The following RGS9BP variants were observed in gnomAD, a reference collection of about 807,000 sequenced individuals.
The protein encoded by RGS9BP is regulator of G protein signaling 9-binding protein.
RGS9BP carries 1 observed loss-of-function variant against 3.8 expected under a neutral mutation model. That is an observed-to-expected ratio of 0.26 (90% CI 0.09 to 1.24). The LOEUF (loss-of-function observed/expected upper bound fraction) is 1.24. Among genes scored for constraint, RGS9BP ranks in the 50% most tolerant of loss-of-function variants. RGS9BP has a pLI of 0.48. For synonymous variants in RGS9BP, 200 were observed against 177.8 expected (o/e 1.13, Z -1.00); for missense variants, 363 against 344.3 (o/e 1.05, Z -0.43).
Position 32,676,813 on chromosome 19 carries a change from G to A in RGS9BP, c.550G>A (p.Glu184Lys), listed in dbSNP as rs760255703. The change falls in exon 1 of 1, where the codon GAG (glutamate) becomes AAG (lysine). Residue 184 changes from glutamate (E) to lysine (K), a missense_variant. Physicochemically the swap from Glu to Lys is moderately conservative, Grantham distance 56. Coordinates refer to ENST00000334176, the MANE Select transcript of RGS9BP (RefSeq NM_207391.3). ...TVQARQAAGA[E>K]LLSTVSAGPS... ...GCAAGCCCGGCAGGCGGCGGGCGCC[G>A]AGCTCCTGTCCACGGTCAGCGCCGG... 8.2e-6 allele frequency: 13 copies of A among 1,584,710 alleles called. No individual in the cohort carries two copies. The Admixed American group carries it at 2.1e-4, about 25-fold the overall frequency.
Position 32,676,549 on chromosome 19 carries a change from G to A in RGS9BP, c.286G>A (p.Ala96Thr), listed in dbSNP as rs259290. The stretch of plus-strand genomic sequence containing the variant: ...CCTGCTGGAAGCGGACATGCGACGC[G>A]CGCTGGAGCTGGGCGCCGCGTTCCC... The part of the protein sequence containing the change: ...LDLLEADMRR[A>T]LELGAAFPLH... Residue 96 changes from alanine (A) to threonine (T), a missense_variant, in exon 1 of 1, where the codon GCG becomes ACG. Coordinates refer to ENST00000334176, the MANE Select transcript of RGS9BP (RefSeq NM_207391.3). The A allele has an allele frequency of 6.8e-7, 1 of 1,464,500 alleles. No individual in the cohort carries two copies. The highest frequency in any genetic ancestry group is 1.3e-5 in the South Asian group (1 of 74,804). The allele number at this position is 1,464,500 out of a possible 1,614,324, so 90.7% of individuals were successfully genotyped here.
chr19:32,676,415 C>A lies in RGS9BP; in HGVS notation c.152C>A (p.Ala51Glu). The change falls in exon 1 of 1, where the codon GCG (alanine) becomes GAG (glutamate). Residue 51 changes from alanine (A) to glutamate (E), a missense_variant. Ala to Glu is a moderately radical substitution (Grantham distance 107). Transcript: ENST00000334176. ...ACGCGCCAGAAGGCGCAGGAGCTGG[C>A]GGTGTCCACCTGCGCCCGGCTGACT... Reference protein sequence around the residue: ...QKTRQKAQELAVSTCARLTAV... With the variant: ...QKTRQKAQELEVSTCARLTAV... The A allele has an allele frequency of 6.2e-7, 1 of 1,602,692 alleles. No individual in the cohort carries two copies. The highest frequency in any genetic ancestry group is 8.5e-7 in the Non-Finnish European group (1 of 1,177,594).
Position 32,676,986 on chromosome 19 carries a change from C to G in RGS9BP, c.*15C>G. 7 of 1,585,754 alleles carry G rather than the reference C, an allele frequency of 4.4e-6. No homozygotes were observed. The highest frequency in any genetic ancestry group is 6.0e-6 in the Non-Finnish European group (7 of 1,166,208). The stretch of plus-strand genomic sequence containing the variant: ...AGCTGAGCTGACGGACACCCGACGG[C>G]CGCCTGCTGCTGCCGCTCCCTCCCC... On this transcript the variant is annotated 3_prime_UTR_variant, in exon 1 of 1. Coordinates refer to ENST00000334176, the MANE Select transcript of RGS9BP (RefSeq NM_207391.3).
In RGS9BP at chr19:32,676,761, G is replaced by GAA. The variant is rs1311699944; in HGVS notation, c.499_500dup (p.Val168ArgfsTer61). ...GCGAGATGATCGACAACATGGAGAT[G>GAA]AAGGTCAACGTGCCCCGCTGGACCG... is the stretch of plus-strand genomic sequence containing the variant. On this transcript the variant is annotated frameshift_variant, in exon 1 of 1. Transcript: ENST00000334176. LOFTEE classifies it high-confidence loss of function. The GAA allele has an allele frequency of 6.3e-7, 1 of 1,582,174 alleles. No individual in the cohort carries two copies. The highest frequency in any genetic ancestry group is 8.5e-7 in the Non-Finnish European group (1 of 1,171,936).
Position 32,676,619 on chromosome 19 carries a change from G to C in RGS9BP, c.356G>C (p.Gly119Ala), listed in dbSNP as rs1968007198. The change falls in exon 1 of 1, where the codon GGC becomes GCC. Residue 119 changes from glycine to alanine, a missense_variant. Transcript: ENST00000334176. ...CCGCTGGTGCGCACAGGTGTGGCTGGCGCCTCCTCCGGCGTGGCGGCGCGC... is the reference window on the plus strand; with the variant it reads ...CCGCTGGTGCGCACAGGTGTGGCTGCCGCCTCCTCCGGCGTGGCGGCGCGC... ...RRPLVRTGVA[G>A]ASSGVAARAL... 6.5e-7 allele frequency: 1 copy of C among 1,528,514 alleles called. No homozygotes were observed. Among genetic ancestry groups the C allele is most frequent in the Non-Finnish European group, 8.7e-7 (1 of 1,143,318 alleles). 94.7% of individuals were successfully genotyped at this position (1,528,514 alleles called of 1,614,324 possible). A position where few individuals can be genotyped will look rare whatever the true frequency, so the allele number is the denominator to read the frequency against.
chr19:32,676,791 A>C lies in RGS9BP; in HGVS notation c.528A>C (p.Gln176His). 6.3e-7 allele frequency: 1 copy of C among 1,587,248 alleles called. No homozygotes were observed. Among genetic ancestry groups the C allele is most frequent in the Non-Finnish European group, 8.5e-7 (1 of 1,174,350 alleles). ...TCAACGTGCCCCGCTGGACCGTGCAAGCCCGGCAGGCGGCGGGCGCCGAGC... is the reference window on the plus strand; with the variant it reads ...TCAACGTGCCCCGCTGGACCGTGCACGCCCGGCAGGCGGCGGGCGCCGAGC... ...MKVNVPRWTV[Q>H]ARQAAGAELL... Residue 176 changes from glutamine to histidine, a missense_variant, in exon 1 of 1, where the codon CAA becomes CAC. Gln to His is a conservative substitution (Grantham distance 24, BLOSUM62 0). Coordinates refer to ENST00000334176, the MANE Select transcript of RGS9BP (RefSeq NM_207391.3).
chr19:32,677,114 G>C lies in RGS9BP; in HGVS notation c.*143G>C. 1 of 734,346 alleles carries C rather than the reference G, an allele frequency of 1.4e-6. No homozygotes were observed. The highest frequency in any genetic ancestry group is 2.7e-5 in the East Asian group (1 of 36,644). 45.5% of individuals were successfully genotyped at this position (734,346 alleles called of 1,614,324 possible). On this transcript the variant is annotated 3_prime_UTR_variant, in exon 1 of 1. Transcript: ENST00000334176. ...ACACGCGCGTTTCCAGTGCACATCT[G>C]CCTGGGCAGGACACGGTTTCCTCTT...
Position 32,675,887 on chromosome 19 carries a change from C to A in RGS9BP, c.-377C>A, listed in dbSNP as rs1256738230. ...TTGGCAGCGCCTAAGGCGGAGCGCG[C>A]GGCTCTGCAGCCTGCTTGCCCCGGA... is the stretch of plus-strand genomic sequence containing the variant. On this transcript the variant is annotated 5_prime_UTR_variant, in exon 1 of 1. Coordinates refer to ENST00000334176, the MANE Select transcript of RGS9BP (RefSeq NM_207391.3). 1.0e-5 allele frequency: 2 copies of A among 191,214 alleles called. No individual in the cohort carries two copies. The highest frequency in any genetic ancestry group is 2.1e-5 in the Non-Finnish European group (2 of 93,744). 11.8% of individuals were successfully genotyped at this position (191,214 alleles called of 1,614,324 possible).
rs971031217 is a variant in RGS9BP, at chr19:32,676,005, G to A, written c.-259G>A. ...GGTGCAGAGACACGACGTGTGACTC[G>A]GAGTGCGCCTGGGGAGGATGGACGA... On this transcript the variant is annotated 5_prime_UTR_variant, in exon 1 of 1. Transcript: ENST00000334176. 8.4e-6 allele frequency: 4 copies of A among 475,458 alleles called. No individual in the cohort carries two copies. The highest frequency in any genetic ancestry group is 7.4e-6 in the Non-Finnish European group (2 of 269,276). 29.5% of individuals were successfully genotyped at this position (475,458 alleles called of 1,614,324 possible). A position where few individuals can be genotyped will look rare whatever the true frequency, so the allele number is the denominator to read the frequency against.
At position 32,676,658 on chromosome 19, in the gene RGS9BP, G is replaced by C; in HGVS notation, c.395G>C (p.Arg132Pro). ...GTGGCGGCGCGCGCGCTGAGCACCC[G>C]CAGCCTGCGGCTCGAGGCGGAGGGC... is the stretch of plus-strand genomic sequence containing the variant. The part of the protein sequence containing the change: ...SGVAARALST[R>P]SLRLEAEGDF... Residue 132 changes from arginine (R) to proline (P), a missense_variant, in exon 1 of 1, where the codon CGC becomes CCC. By Grantham distance (103) the Arg-to-Pro change is moderately radical. Coordinates refer to ENST00000334176, the MANE Select transcript of RGS9BP (RefSeq NM_207391.3). The C allele has an allele frequency of 3.3e-6, 5 of 1,533,730 alleles. No homozygotes were observed. Among genetic ancestry groups the C allele is most frequent in the Non-Finnish European group, 4.4e-6 (5 of 1,145,906 alleles).
At position 32,677,978 on chromosome 19, in the gene RGS9BP, C is replaced by T. The variant is rs1238387244; in HGVS notation, c.*1007C>T. On this transcript the variant is annotated 3_prime_UTR_variant, in exon 1 of 1. Coordinates refer to ENST00000334176, the MANE Select transcript of RGS9BP (RefSeq NM_207391.3). Reference sequence around the variant, plus strand: ...GCTCCCTGACCCCCGCGCTGCCCGCCCCTCCGGGGTAATGTGGCATTACTG... The same window carrying T: ...GCTCCCTGACCCCCGCGCTGCCCGCTCCTCCGGGGTAATGTGGCATTACTG... The T allele has an allele frequency of 6.0e-6, 1 of 167,146 alleles. No individual in the cohort carries two copies. Among genetic ancestry groups the T allele is most frequent in the Admixed American group, 6.5e-5 (1 of 15,288 alleles). 10.4% of individuals were successfully genotyped at this position (167,146 alleles called of 1,614,324 possible). A position where few individuals can be genotyped will look rare whatever the true frequency, so the allele number is the denominator to read the frequency against.
Position 32,676,664 on chromosome 19 carries a change from T to A in RGS9BP, c.401T>A (p.Leu134Gln). 6.5e-7 allele frequency: 1 copy of A among 1,534,058 alleles called. No individual in the cohort carries two copies. Among genetic ancestry groups the A allele is most frequent in the South Asian group, 1.2e-5 (1 of 84,064 alleles). ...GCGCGCGCGCTGAGCACCCGCAGCC[T>A]GCGGCTCGAGGCGGAGGGCGACTTC... is the stretch of plus-strand genomic sequence containing the variant. ...VAARALSTRS[L>Q]RLEAEGDFDV... Residue 134 changes from leucine to glutamine, a missense_variant, in exon 1 of 1, where the codon CTG becomes CAG. Coordinates refer to ENST00000334176, the MANE Select transcript of RGS9BP (RefSeq NM_207391.3).
At position 32,677,187 on chromosome 19, in the gene RGS9BP, G is replaced by C; in HGVS notation, c.*216G>C. The C allele has an allele frequency of 1.6e-6, 1 of 611,010 alleles. No individual in the cohort carries two copies. 37.8% of individuals were successfully genotyped at this position (611,010 alleles called of 1,614,324 possible). A position where few individuals can be genotyped will look rare whatever the true frequency, so the allele number is the denominator to read the frequency against. Reference sequence around the variant, plus strand: ...TTGCGCCGGCCGTCAGGGCATTACCGCTAACGTCTGCAGGAGCTTTATTCC... The same window carrying C: ...TTGCGCCGGCCGTCAGGGCATTACCCCTAACGTCTGCAGGAGCTTTATTCC... On this transcript the variant is annotated 3_prime_UTR_variant, in exon 1 of 1. Coordinates refer to ENST00000334176, the MANE Select transcript of RGS9BP (RefSeq NM_207391.3).
Position 32,676,766 on chromosome 19 carries a change from T to C in RGS9BP, c.503T>C (p.Val168Ala). The change falls in exon 1 of 1, where the codon GTC becomes GCC. Residue 168 changes from valine to alanine, a missense_variant. By Grantham distance (64) the Val-to-Ala change is moderately conservative. Transcript: ENST00000334176. ...GEMIDNMEMK[V>A]NVPRWTVQAR... ...ATGATCGACAACATGGAGATGAAGG[T>C]CAACGTGCCCCGCTGGACCGTGCAA... 2 of 1,582,984 alleles carry C rather than the reference T, an allele frequency of 1.3e-6. No homozygotes were observed. Among genetic ancestry groups the C allele is most frequent in the Middle Eastern group, 3.3e-4 (2 of 6,038 alleles).
At position 32,675,965 on chromosome 19, in the gene RGS9BP, C is replaced by A. The variant is rs546530162; in HGVS notation, c.-299C>A. The A allele has an allele frequency of 8.4e-4, 283 of 338,796 alleles. No homozygotes were observed. The highest frequency in any genetic ancestry group is 5.7e-3 in the African/African-American group (267 of 46,532). The allele number at this position is 338,796 out of a possible 1,614,324, so 21.0% of individuals were successfully genotyped here. On this transcript the variant is annotated 5_prime_UTR_variant, in exon 1 of 1. Coordinates refer to ENST00000334176, the MANE Select transcript of RGS9BP (RefSeq NM_207391.3). ...CACCCTCAGCTTCGCAGGGAGCCAC[C>A]GTGGAGGCCAGGGCGGTGCAGAGAC...
chr19:32,677,107 C>G lies in RGS9BP; in HGVS notation c.*136C>G. The G allele has an allele frequency of 2.6e-6, 2 of 772,148 alleles. No individual in the cohort carries two copies. The highest frequency in any genetic ancestry group is 3.1e-5 in the South Asian group (2 of 65,292). The allele number at this position is 772,148 out of a possible 1,614,324, so 47.8% of individuals were successfully genotyped here. On this transcript the variant is annotated 3_prime_UTR_variant, in exon 1 of 1. Transcript: ENST00000334176. Reference sequence around the variant, plus strand: ...CATGGGTACACGCGCGTTTCCAGTGCACATCTGCCTGGGCAGGACACGGTT... The same window carrying G: ...CATGGGTACACGCGCGTTTCCAGTGGACATCTGCCTGGGCAGGACACGGTT...
In RGS9BP at chr19:32,676,702, C is replaced by G. The variant is rs1454747814; in HGVS notation, c.439C>G (p.Leu147Val). Reference protein sequence around the residue: ...EAEGDFDVADLRELEREVLQV... With the variant: ...EAEGDFDVADVRELEREVLQV... Reference sequence around the variant, plus strand: ...GGAGGGCGACTTCGACGTCGCGGACCTGCGGGAGCTGGAGCGCGAGGTCCT... The same window carrying G: ...GGAGGGCGACTTCGACGTCGCGGACGTGCGGGAGCTGGAGCGCGAGGTCCT... Residue 147 changes from leucine to valine, a missense_variant, in exon 1 of 1, where the codon CTG becomes GTG. Physicochemically the swap from Leu to Val is conservative, Grantham distance 32. Transcript: ENST00000334176. The G allele has an allele frequency of 6.5e-7, 1 of 1,539,516 alleles. No individual in the cohort carries two copies. Among genetic ancestry groups the G allele is most frequent in the South Asian group, 1.2e-5 (1 of 84,604 alleles).
At position 32,677,069 on chromosome 19, in the gene RGS9BP, A is replaced by C; in HGVS notation, c.*98A>C. 9.3e-7 allele frequency: 1 copy of C among 1,073,156 alleles called. No homozygotes were observed. Among genetic ancestry groups the C allele is most frequent in the Non-Finnish European group, 1.4e-6 (1 of 712,704 alleles). 66.5% of individuals were successfully genotyped at this position (1,073,156 alleles called of 1,614,324 possible). ...GCCTGTGCAAGGGGAGTGGTCCTAA[A>C]ACCCCGTGTGTGCATGGGTACACGC... On this transcript the variant is annotated 3_prime_UTR_variant, in exon 1 of 1. Coordinates refer to ENST00000334176, the MANE Select transcript of RGS9BP (RefSeq NM_207391.3).
In RGS9BP at chr19:32,676,697, C is replaced by G. The variant is rs1212092961; in HGVS notation, c.434C>G (p.Ala145Gly). The G allele has an allele frequency of 6.5e-7, 1 of 1,537,826 alleles. No homozygotes were observed. Among genetic ancestry groups the G allele is most frequent in the South Asian group, 1.2e-5 (1 of 84,444 alleles). ...RLEAEGDFDV[A>G]DLRELEREVL... is the part of the protein sequence containing the mutation. The stretch of plus-strand genomic sequence containing the variant: ...GAGGCGGAGGGCGACTTCGACGTCG[C>G]GGACCTGCGGGAGCTGGAGCGCGAG... The change falls in exon 1 of 1, where the codon GCG (alanine) becomes GGG (glycine). Residue 145 changes from alanine to glycine, a missense_variant. Transcript: ENST00000334176.
Sources: allele counts gnomAD v4.1 joint callset, GRCh38; gene constraint gnomAD v4.1.1; transcripts MANE v1.5; gene names NCBI Gene and HGNC (gene_info 2026-07-23, HGNC 2026-07-21).